The following DHX40 variants were observed in gnomAD, a reference collection of about 807,000 sequenced individuals.
DHX40 encodes the protein DEAH-box helicase 40.
DHX40 carries 28 observed loss-of-function variants against 89.6 expected under a neutral mutation model. The ratio of observed to expected loss-of-function variants is 0.31; its 90% CI spans 0.23 to 0.43. The LOEUF is 0.43. Ranked by LOEUF, DHX40 falls within the 20% of genes least tolerant of loss-of-function variation. The pLI is 1.00. For synonymous variants in DHX40, 226 were observed against 283.6 expected (o/e 0.80, Z 2.04); for missense variants, 457 against 844.0 (o/e 0.54, Z 5.68).
intron 10 of DHX40, among the ~76,000 whole-genome samples, chr17:59,585,282 C>G (rs1364028848): frequency 1.7e-5 from 2 of 118,710 alleles, no homozygotes; most frequent in African/African-American, 7.2e-5. Context: ...TGCCTGTAAT[C>G]CCAGCTACTC....
intron 15 of DHX40, among the ~76,000 whole-genome samples, 191 bp downstream of exon 15, chr17:59,602,807 C>T (rs1039954758): frequency 5.3e-5 from 8 of 152,050 alleles, no homozygotes; most frequent in Admixed American, 3.9e-4. Flanking sequence ...TATTAGAGCT[C>T]AAGTAGGGTA....
chr17:59,603,805 TA>T (rs1296858757), intron 15 of DHX40: 3 of 152,014 alleles, frequency 2.0e-5, no homozygotes, highest in Admixed American at 2.0e-4. Flanking sequence ...ATGAAATAAA[TA>T]AAAATCATGT....
At chr17:59,566,349 G>C (rs1375643049) in intron 1 of DHX40, among the ~76,000 whole-genome samples, 3 of 152,180 alleles carry the variant, frequency 2.0e-5, no homozygotes, top group Non-Finnish European at 4.4e-5. Context: ...ATGTGTATAC[G>C]TTGCCTTGAG....
In DHX40 at chr17:59,570,611, C is replaced by T. The variant is rs777763519; in HGVS notation, c.374C>T (p.Thr125Ile). The T allele has an allele frequency of 3.1e-6, 5 of 1,609,284 alleles. 1 individual carries two copies. Among genetic ancestry groups the T allele is most frequent in the East Asian group, 2.3e-5 (1 of 44,360 alleles). The change falls in exon 3 of 18, where the codon ACT (threonine) becomes ATT (isoleucine). Residue 125 changes from threonine (T) to isoleucine (I), a missense_variant. Transcript: ENST00000251241. ...AQRVAEEMKC[T>I]LGSKVGYQVR... ...AGAGTAGCTGAAGAAATGAAATGCA[C>T]TTTGGGATCCAAAGTAGGATACCAA...
At chr17:59,597,678 T>C (rs1360969444) in intron 12 of DHX40, among the ~76,000 whole-genome samples, 1 of 151,372 alleles carries the variant, frequency 6.6e-6, no homozygotes, top group African/African-American at 2.4e-5. Flanking sequence ...GGCTTATGCC[T>C]GTAATCCCAG....
At chr17:59,568,836 G>GTA (rs1224286996) in intron 2 of DHX40, among the ~76,000 whole-genome samples, 31 of 108,246 alleles carry the variant, frequency 2.9e-4, no homozygotes, top group Admixed American at 4.2e-4. Context: ...TATGGAAGGT[G>GTA]CATATATATA....
chr17:59,602,728 A>G, intron 15 of DHX40, 112 bp downstream of exon 15: 1 of 946,890 alleles, frequency 1.1e-6, no homozygotes, highest in South Asian at 1.8e-5. Context: ...TGTGATGATT[A>G]TGACATGAAT....
chr17:59,570,476 A>G lies in DHX40; in HGVS notation c.281-42A>G, dbSNP rs538416206. ...ACAATTTAGCTCTAATAGGAAGACA[A>G]TTGCTAACATTGTTGTGTTTCTTTA... is the stretch of plus-strand genomic sequence containing the variant. On this transcript the variant is annotated intron_variant, in intron 2 of 17. Coordinates refer to ENST00000251241, the MANE Select transcript of DHX40 (RefSeq NM_024612.5). The G allele has an allele frequency of 9.0e-6, 14 of 1,554,778 alleles. No individual in the cohort carries two copies. In the Admixed American group the frequency reaches 1.2e-4, roughly 13 times the overall value.
chr17:59,583,523 G>C (rs2048963604), intron 10 of DHX40, among the ~76,000 whole-genome samples: 1 of 129,544 alleles, frequency 7.7e-6, no homozygotes, highest in African/African-American at 2.5e-5. Flanking sequence ...ACATGTGGTA[G>C]AGATCTGAAA....
rs1459859609 is a variant in DHX40 at position 59,602,582 on chromosome 17, C to G, written c.1867C>G (p.Leu623Val). Residue 623 changes from leucine to valine, a missense_variant, in exon 15 of 18, where the codon CTT (leucine) becomes GTT (valine). Leu to Val is a conservative substitution (Grantham distance 32). This residue lies in a region of DHX40 where 32 missense variants were observed against 60.0 expected (regional missense o/e 0.53). Coordinates refer to ENST00000251241, the MANE Select transcript of DHX40 (RefSeq NM_024612.5). Reference protein sequence around the residue: ...GPKHEVLRRCLCAGYFKNVAR... With the variant: ...GPKHEVLRRCVCAGYFKNVAR... Reference sequence around the variant, plus strand: ...TAAACATGAAGTACTACGAAGATGTCTTTGTGCGGGCTATTTCAAAAATGT... The same window carrying G: ...TAAACATGAAGTACTACGAAGATGTGTTTGTGCGGGCTATTTCAAAAATGT... 2.5e-6 allele frequency: 4 copies of G among 1,613,772 alleles called. No homozygotes were observed. The highest frequency in any genetic ancestry group is 1.3e-5 in the African/African-American group (1 of 75,024).
Position 59,607,267 on chromosome 17 carries a change from T to G in DHX40, c.*95T>G. 6.2e-7 allele frequency: 1 copy of G among 1,612,182 alleles called. No homozygotes were observed. Among genetic ancestry groups the G allele is most frequent in the South Asian group, 1.1e-5 (1 of 91,020 alleles). ...TTCAGACAGCACTACCAAGAGGAGG[T>G]GGTCAGCACTTGTTATTGGCCTATG... On this transcript the variant is annotated 3_prime_UTR_variant, in exon 18 of 18. Transcript: ENST00000251241.
chr17:59,566,785 T>A lies in DHX40; in HGVS notation c.271T>A (p.Tyr91Asn), dbSNP rs2048710978. The change falls in exon 2 of 18, where the codon TAT becomes AAT. Residue 91 changes from tyrosine to asparagine, a missense_variant. By Grantham distance (143) the Tyr-to-Asn change is moderately radical. This residue lies in a region of DHX40 where 61 missense variants were observed against 100.4 expected (regional missense o/e 0.61). Coordinates refer to ENST00000251241, the MANE Select transcript of DHX40 (RefSeq NM_024612.5). ...AACAACTCAACTCCCAAAATATCTATATGAAGCAGGTGATTTTTTTCTGTT... is the reference window on the plus strand; with the variant it reads ...AACAACTCAACTCCCAAAATATCTAAATGAAGCAGGTGATTTTTTTCTGTT... ...GKTTQLPKYL[Y>N]EAGFSQHGMI... is the part of the protein sequence containing the mutation. 2 of 1,570,908 alleles carry A rather than the reference T, an allele frequency of 1.3e-6. No individual in the cohort carries two copies. Among genetic ancestry groups the A allele is most frequent in the African/African-American group, 2.8e-5 (2 of 71,942 alleles).
rs199515326 is a variant in DHX40 at position 59,565,793 on chromosome 17, G to A, written c.112+10G>A. 263 of 1,594,546 alleles carry A rather than the reference G, an allele frequency of 1.6e-4. No individual in the cohort carries two copies. The highest frequency in any genetic ancestry group is 2.2e-4 in the Non-Finnish European group (253 of 1,174,320). Reference sequence around the variant, plus strand: ...TGCATCGCCGATAGAGGTGCGGTCCGCGGGACGGTACGGAAGCCAGCGGGA... The same window carrying A: ...TGCATCGCCGATAGAGGTGCGGTCCACGGGACGGTACGGAAGCCAGCGGGA... On this transcript the variant is annotated intron_variant, in intron 1 of 17. Transcript: ENST00000251241.
chr17:59,567,862 G>A (rs1327318150), intron 2 of DHX40, among the ~76,000 whole-genome samples: 5 of 151,656 alleles, frequency 3.3e-5, no homozygotes, highest in Non-Finnish European at 7.4e-5. Flanking sequence ...AATCTGGGAG[G>A]CGGAGCTTGC....
chr17:59,601,108 C>T (rs2030491712), intron 14 of DHX40, among the ~76,000 whole-genome samples: 1 of 149,746 alleles, frequency 6.7e-6, no homozygotes, highest in Non-Finnish European at 1.5e-5. Context: ...AGTTTGAGAC[C>T]AGCCTGGGCA....
intron 15 of DHX40, chr17:59,604,721 A>G (rs2030740201): frequency 1.8e-5 from 3 of 168,204 alleles, no homozygotes; most frequent in Admixed American, 1.7e-4. Context: ...TAAAGAAACC[A>G]TATTTAAGTC....
intron 7 of DHX40, among the ~76,000 whole-genome samples, chr17:59,576,815 TTC>T (rs2048888625): frequency 6.6e-6 from 1 of 152,136 alleles, no homozygotes; most frequent in African/African-American, 2.4e-5. Context: ...AATAATTTCA[TTC>T]TTTTTTACTG....
chr17:59,567,805 G>A (rs1001471757), intron 2 of DHX40, among the ~76,000 whole-genome samples: 1 of 151,898 alleles, frequency 6.6e-6, no homozygotes, highest in African/African-American at 2.4e-5. Flanking sequence ...GGTGGTGGGC[G>A]CTTGTAGTCC....
intron 12 of DHX40, among the ~76,000 whole-genome samples, chr17:59,595,225 A>T (rs1193389018): frequency 1.3e-5 from 2 of 151,702 alleles, no homozygotes; most frequent in African/African-American, 2.4e-5. Flanking sequence ...CTGAGATTAC[A>T]GGCATGTGCC....
Sources: gnomAD v4.1 joint callset for allele counts (sites outside exome capture counted in the v4.1 genomes callset) on GRCh38, gnomAD v4.1.1 for gene constraint, gnomAD v4.1.1 regional missense constraint, MANE v1.5 for transcripts, NCBI Gene and HGNC (gene_info 2026-07-23, HGNC 2026-07-21) for gene names.